Variants in TRAPPC9 observed in about 807,000 individuals in gnomAD.
TRAPPC9 encodes IKK2 binding protein.
In TRAPPC9, 83 loss-of-function variants were observed where a neutral mutation model predicts 124.0. The ratio of observed to expected loss-of-function variants is 0.67; its 90% confidence interval spans 0.56 to 0.80. The LOEUF is 0.80. Among genes scored for constraint, TRAPPC9 ranks in the 30% least tolerant of loss-of-function variants. The pLI is 0.00. For synonymous variants in TRAPPC9, 638 were observed against 617.5 expected, an observed-to-expected ratio of 1.03 and a Z score of -0.49; for missense variants, 1,302 against 1,508.3, an observed-to-expected ratio of 0.86 and a Z score of 2.27.
chr8:139,881,443 T>C (rs1829667388), intron 21 of TRAPPC9: 1 of 152,200 alleles, frequency 6.6e-6, no homozygotes, highest in South Asian at 2.1e-4. Flanking sequence ...CCCCATCTCC[T>C]ATCCACCCTT....
intron 21 of TRAPPC9, among the ~76,000 whole-genome samples, chr8:139,748,020 T>A (rs34920745): frequency 2.7e-3 from 30 of 11,008 alleles, no homozygotes; most frequent in East Asian, 6.4e-3. Context: ...CACAGCAGGT[T>A]GGGGGGGCGT....
chr8:140,156,380 G>C (rs78341052), intron 17 of TRAPPC9, among the ~76,000 whole-genome samples: 10,691 of 152,258 alleles, frequency 0.07, 448 homozygotes, highest in African/African-American at 0.097. Flanking sequence ...TAATGATAAT[G>C]CTCCCACACG....
intron 17 of TRAPPC9, among the ~76,000 whole-genome samples, chr8:140,203,555 AG>A (rs1351824004): frequency 6.6e-6 from 1 of 152,236 alleles, no homozygotes; most frequent in African/African-American, 2.4e-5. Context: ...AATGCAAGTG[AG>A]GACTTCGGAA....
intron 2 of TRAPPC9, among the ~76,000 whole-genome samples, chr8:140,445,685 A>C (rs945264242): frequency 5.9e-5 from 9 of 152,200 alleles, no homozygotes; most frequent in African/African-American, 1.7e-4. Flanking sequence ...TAATACATTC[A>C]TGTCTCTTCT....
At chr8:139,900,083 C>G (rs1830924490) in intron 20 of TRAPPC9, among the ~76,000 whole-genome samples, 1 of 152,204 alleles carries the variant, frequency 6.6e-6, no homozygotes, top group Non-Finnish European at 1.5e-5. Flanking sequence ...TGGGTCAAAA[C>G]CCTTCAGGGC....
chr8:140,070,027 C>A (rs1030851131), intron 17 of TRAPPC9, among the ~76,000 whole-genome samples: 2 of 152,204 alleles, frequency 1.3e-5, no homozygotes, highest in African/African-American at 4.8e-5. Context: ...ATGGTGCCAC[C>A]CACACTGACG....
At chr8:139,868,668 A>T (rs567708235) in intron 21 of TRAPPC9, among the ~76,000 whole-genome samples, 2 of 152,338 alleles carry the variant, frequency 1.3e-5, no homozygotes, top group South Asian at 4.1e-4. Context: ...TCTCTCCCCT[A>T]AAGCGTAGTA....
intron 19 of TRAPPC9, chr8:139,932,599 T>G (rs1425348060): frequency 2.3e-6 from 1 of 438,316 alleles, no homozygotes; most frequent in East Asian, 7.1e-5. Context: ...CCGTCTCTAC[T>G]AATTTACAAA....
chr8:140,426,481 G>A, intron 5 of TRAPPC9, 134 bp downstream of exon 5: 1 of 951,842 alleles, frequency 1.1e-6, no homozygotes, highest in Non-Finnish European at 1.7e-6. Flanking sequence ...GCTTTTAACA[G>A]TTCTGATTTA....
chr8:140,372,494 C>A (rs768840659), intron 7 of TRAPPC9, among the ~76,000 whole-genome samples: 1 of 152,218 alleles, frequency 6.6e-6, no homozygotes, highest in Non-Finnish European at 1.5e-5. Context: ...TGTCCACACA[C>A]CCCTGCCAGA....
At chr8:139,823,692 T>C (rs1182527824) in intron 21 of TRAPPC9, among the ~76,000 whole-genome samples, 2 of 152,202 alleles carry the variant, frequency 1.3e-5, no homozygotes, top group Admixed American at 1.3e-4. Flanking sequence ...ACAGTGTTCC[T>C]GGGAAGCCCT....
At chr8:140,030,885 C>T (rs1840457303) in intron 17 of TRAPPC9, among the ~76,000 whole-genome samples, 1 of 152,108 alleles carries the variant, frequency 6.6e-6, no homozygotes, top group Non-Finnish European at 1.5e-5. Context: ...GTCAGAGAAA[C>T]TATGGAGGGT....
intron 17 of TRAPPC9, among the ~76,000 whole-genome samples, chr8:140,206,714 C>T (rs1174975284): frequency 6.6e-5 from 10 of 151,536 alleles, no homozygotes; most frequent in African/African-American, 2.4e-4. Context: ...ACAATATTGC[C>T]CCAAATACAT....
Position 140,252,158 on chromosome 8 carries a change from T to C in TRAPPC9, c.2431+619A>G, listed in dbSNP as rs1157205306. ...TCCTGCCCTCAGCCTCCTGAGTAGCTGGGATTACAGGCATGCGCCACCATG... is the reference window on the plus strand; with the variant it reads ...TCCTGCCCTCAGCCTCCTGAGTAGCCGGGATTACAGGCATGCGCCACCATG... On this transcript the variant is annotated intron_variant, in intron 16 of 22. Transcript: ENST00000438773. This position sits in a 1 kb window ranked among gnomAD's most constrained non-coding sequence, Gnocchi z 4.2. 6.6e-6 allele frequency among the ~76,000 whole-genome samples: 1 copy of C among 152,074 alleles called. No homozygotes were observed. Among genetic ancestry groups the C allele is most frequent in the Non-Finnish European group, 1.5e-5 (1 of 68,008 alleles).
At chr8:140,042,291 G>A (rs1406066208) in intron 17 of TRAPPC9, among the ~76,000 whole-genome samples, 3 of 152,028 alleles carry the variant, frequency 2.0e-5, no homozygotes, top group Non-Finnish European at 4.4e-5. Flanking sequence ...TAGATGATCA[G>A]TATACAATTT....
At chr8:139,770,900 C>A (rs544883027) in intron 21 of TRAPPC9, among the ~76,000 whole-genome samples, 1 of 152,048 alleles carries the variant, frequency 6.6e-6, no homozygotes, top group African/African-American at 2.4e-5. Context: ...CCGGGCCTGG[C>A]GGGCGTAGGG....
intron 17 of TRAPPC9, among the ~76,000 whole-genome samples, chr8:140,138,895 G>A (rs1204198265): frequency 6.6e-6 from 1 of 152,084 alleles, no homozygotes; most frequent in African/African-American, 2.4e-5. Context: ...TCTGCAGCCT[G>A]GGGCAGTGAC....
chr8:140,221,010 G>A lies in TRAPPC9; in HGVS notation c.2556+449C>T, dbSNP rs117051619. On this transcript the variant is annotated intron_variant, in intron 17 of 22. Coordinates refer to ENST00000438773, the MANE Select transcript of TRAPPC9 (RefSeq NM_001160372.4). ...GCTCACTGCTGGCCTACAAGCCCGC[G>A]GCACGTAGCTTTGCACTGACATTCA... 4.7e-3 allele frequency among the ~76,000 whole-genome samples: 717 copies of A among 152,302 alleles called. 3 individuals are homozygous for A. The highest frequency in any genetic ancestry group is 8.5e-3 in the Non-Finnish European group (580 of 68,028).
At chr8:139,950,689 C>T (rs1193429576) in intron 19 of TRAPPC9, among the ~76,000 whole-genome samples, 1 of 152,194 alleles carries the variant, frequency 6.6e-6, no homozygotes, top group Non-Finnish European at 1.5e-5. Flanking sequence ...ATGAATCAGA[C>T]CTTTCCCAAA....
Sources: gnomAD v4.1 joint callset for allele counts (sites outside exome capture counted in the v4.1 genomes callset) on GRCh38, gnomAD v4.1.1 for gene constraint, Gnocchi (gnomAD v3.1) non-coding constraint, MANE v1.5 for transcripts, NCBI Gene and HGNC (gene_info 2026-07-23, HGNC 2026-07-21) for gene names.